CACNA1C: variants seen among roughly 807,000 people sequenced by gnomAD.
CACNA1C encodes calcium voltage-gated channel subunit alpha1 C.
CACNA1C carries 30 observed loss-of-function variants against 229.0 expected under a neutral mutation model. The observed-to-expected ratio is 0.13, with a 90% CI of 0.10 to 0.18. The LOEUF (loss-of-function observed/expected upper bound fraction) is 0.18, where lower values mean the gene tolerates loss of function less well. CACNA1C is among the 10% of genes least tolerant of loss of function. The pLI is 1.00. For missense variants in CACNA1C, 1,658 were observed against 2,845.0 expected (o/e 0.58, Z 9.49); for synonymous variants, 1,114 against 1,132.5 (o/e 0.98, Z 0.33).
chr12:2,252,152 G>C lies in CACNA1C; in HGVS notation c.477+131722G>C, dbSNP rs999035613. The stretch of plus-strand genomic sequence containing the variant: ...AAAAGACTGCACACCACTAAATCAA[G>C]TTGGCTCAGCTCCTGCTGCGGTTAA... On this transcript the variant is annotated intron_variant, in intron 3 of 46. Transcript: ENST00000399655. Among the ~76,000 whole-genome samples, 35 of 152,176 alleles carry C rather than the reference G, an allele frequency of 2.3e-4. 1 individual carries two copies. Among genetic ancestry groups the C allele is most frequent in the Non-Finnish European group, 4.4e-5 (3 of 68,032 alleles).
rs1217590082 is a variant in CACNA1C at position 2,605,133 on chromosome 12, C to T, written c.3013C>T (p.Pro1005Ser). The T allele has an allele frequency of 6.2e-7, 1 of 1,613,560 alleles. No homozygotes were observed. Among genetic ancestry groups the T allele is most frequent in the Non-Finnish European group, 8.5e-7 (1 of 1,179,548 alleles). The change falls in exon 23 of 47, where the codon CCC becomes TCC. Residue 1005 changes from proline (P) to serine (S), a missense_variant. This residue lies in a region of CACNA1C where 39 missense variants were observed against 143.3 expected (regional missense o/e 0.27). Coordinates refer to ENST00000399655, the MANE Select transcript of CACNA1C (RefSeq NM_000719.7). This position sits in a 1 kb window ranked among gnomAD's most constrained non-coding sequence, Gnocchi z 6.2. Reference sequence around the variant, plus strand: ...CTTGCGAGTCCTGCGAGTACTCAGGCCCCTGAGGGCCATCAACAGGGCCAA... The same window carrying T: ...CTTGCGAGTCCTGCGAGTACTCAGGTCCCTGAGGGCCATCAACAGGGCCAA... ...KILRVLRVLR[P>S]LRAINRAKGL...
intron 4 of CACNA1C, among the ~76,000 whole-genome samples, chr12:2,450,425 G>A (rs1006721040): frequency 2.6e-5 from 4 of 151,690 alleles, no homozygotes; most frequent in Middle Eastern, 3.4e-3. Flanking sequence ...GAGGTGGCGG[G>A]CGCCTGTAGT....
intron 3 of CACNA1C, among the ~76,000 whole-genome samples, chr12:2,322,128 C>T (rs1211601127): frequency 2.0e-5 from 3 of 152,214 alleles, no homozygotes; most frequent in Admixed American, 2.0e-4. Flanking sequence ...CTTGTGTGTG[C>T]ACATTGTTTA....
At chr12:2,027,393 TAATGCTTA>T (rs2047515124) in intron 1 of CACNA1C, among the ~76,000 whole-genome samples, 1 of 152,354 alleles carries the variant, frequency 6.6e-6, no homozygotes, top group South Asian at 2.1e-4. Context: ...TCCTTTGCTT[TAATGCTTA>T]AATGCTTAAC....
intron 30 of CACNA1C, among the ~76,000 whole-genome samples, chr12:2,640,329 C>T (rs1198320466): frequency 6.6e-6 from 1 of 152,180 alleles, no homozygotes; most frequent in Non-Finnish European, 1.5e-5. Flanking sequence ...AAGGGCAGGG[C>T]CCAGTGGCTC....
At chr12:2,087,195 A>T (rs919775454) in intron 1 of CACNA1C, among the ~76,000 whole-genome samples, 9 of 151,960 alleles carry the variant, frequency 5.9e-5, no homozygotes, top group Non-Finnish European at 8.8e-5. Flanking sequence ...CCAGCAGCTG[A>T]TCCTCACTTG....
chr12:2,255,832 T>TAGTTTACAATCACACGACCCTGACCTG (rs1476690825), intron 3 of CACNA1C, among the ~76,000 whole-genome samples: 2 of 23,612 alleles, frequency 8.5e-5, no homozygotes, highest in Non-Finnish European at 1.9e-4. Context: ...ATCCTGACCT[T>TAGTTTACAATCACACGACCCTGACCTG]ACTAGTTTAC....
chr12:2,302,577 T>C (rs998943862), intron 3 of CACNA1C, among the ~76,000 whole-genome samples: 1 of 152,018 alleles, frequency 6.6e-6, no homozygotes, highest in Admixed American at 6.6e-5. Flanking sequence ...GCCCCTCGGA[T>C]GCTCCACCAG....
intron 1 of CACNA1C, among the ~76,000 whole-genome samples, chr12:2,100,299 AG>A (rs1345459120): frequency 6.6e-6 from 1 of 151,778 alleles, no homozygotes; most frequent in Non-Finnish European, 1.5e-5. Flanking sequence ...TACAAAAATT[AG>A]CTGGGTGTGG....
intron 3 of CACNA1C, among the ~76,000 whole-genome samples, chr12:2,396,963 C>A (rs904196397): frequency 6.6e-6 from 1 of 152,248 alleles, no homozygotes; most frequent in African/African-American, 2.4e-5. Context: ...ACACATCTGT[C>A]TCTCAAACTG....
At chr12:2,411,567 C>T (rs2098807633) in intron 3 of CACNA1C, among the ~76,000 whole-genome samples, 1 of 152,220 alleles carries the variant, frequency 6.6e-6, no homozygotes, top group Non-Finnish European at 1.5e-5. Context: ...TCCCCGGGCC[C>T]TGGCCTTGCC....
chr12:1,972,365 T>C (rs1353180636), intron 1 of CACNA1C, among the ~76,000 whole-genome samples: 1 of 152,256 alleles, frequency 6.6e-6, no homozygotes, highest in Non-Finnish European at 1.5e-5. Context: ...TGATTTACTA[T>C]AGCATTTATC....
At chr12:2,106,532 C>T (rs111522703) in intron 1 of CACNA1C, among the ~76,000 whole-genome samples, 28 of 97,810 alleles carry the variant, frequency 2.9e-4, no homozygotes, top group East Asian at 7.2e-4. Flanking sequence ...AGCCACTGGG[C>T]GCCCACCCTG....
rs147455306 is a variant in CACNA1C, at chr12:2,325,899, C to T, written c.478-123077C>T. ...CTGAAATAGGACTTCCTTCAGACAT[C>T]GCCACCAGCCGCTACTGTGTGTGCG... On this transcript the variant is annotated intron_variant, in intron 3 of 46. Transcript: ENST00000399655. Among the ~76,000 whole-genome samples the T allele has an allele frequency of 9.1e-3, 1,380 of 152,322 alleles. 11 individuals are homozygous for T. The highest frequency in any genetic ancestry group is 0.014 in the Non-Finnish European group (926 of 68,028).
chr12:2,316,086 G>A (rs2154491058), intron 3 of CACNA1C, among the ~76,000 whole-genome samples: 1 of 152,356 alleles, frequency 6.6e-6, no homozygotes, highest in East Asian at 1.9e-4. Context: ...AGGTGTTTGA[G>A]GGTCCCATGC....
At chr12:2,073,253 T>G (rs2062009727) in intron 1 of CACNA1C, among the ~76,000 whole-genome samples, 1 of 152,214 alleles carries the variant, frequency 6.6e-6, no homozygotes, top group Non-Finnish European at 1.5e-5. Context: ...AAATACAGGA[T>G]GAAACATGAT....
intron 3 of CACNA1C, among the ~76,000 whole-genome samples, chr12:2,169,564 C>G (rs532583631): frequency 5.9e-5 from 9 of 152,342 alleles, no homozygotes; most frequent in African/African-American, 2.2e-4. Flanking sequence ...TAACAGGTCT[C>G]TCTCTTCTGT....
intron 30 of CACNA1C, chr12:2,641,448 C>T: frequency 2.1e-6 from 1 of 487,050 alleles, no homozygotes; most frequent in Non-Finnish European, 3.7e-6. Flanking sequence ...TAGATTAAAT[C>T]AAGTTCCGTG....
intron 9 of CACNA1C, among the ~76,000 whole-genome samples, chr12:2,527,192 C>T (rs191359277): frequency 7.2e-5 from 11 of 152,284 alleles, no homozygotes; most frequent in African/African-American, 2.2e-4. Flanking sequence ...ACTAACATGG[C>T]CCAAGTCTTA....
Sources: allele counts gnomAD v4.1 joint callset (sites outside exome capture counted in the v4.1 genomes callset), GRCh38; gene constraint gnomAD v4.1.1; regional missense constraint gnomAD v4.1.1; non-coding constraint Gnocchi (gnomAD v3.1); transcripts MANE v1.5; gene names NCBI Gene and HGNC (gene_info 2026-07-23, HGNC 2026-07-21).